The following DNM2 variants were observed in gnomAD, a reference collection of about 807,000 sequenced individuals.
DNM2 encodes dynamin-2.
Under a neutral mutation model 99.0 loss-of-function variants are expected in DNM2, and 15 were observed. That is an observed-to-expected ratio of 0.15 (90% CI 0.10 to 0.23). DNM2 has a LOEUF of 0.23. DNM2 is among the 10% of genes least tolerant of loss of function. The pLI, the probability that DNM2 is intolerant of heterozygous loss-of-function variation, is 1.00. For missense variants in DNM2, 742 were observed against 1,189.4 expected, an observed-to-expected ratio of 0.62 and a Z score of 5.53; for synonymous variants, 525 against 481.2, an observed-to-expected ratio of 1.09 and a Z score of -1.19.
At chr19:10,819,232 C>T (rs1312032398) in intron 15 of DNM2, among the ~76,000 whole-genome samples, 1 of 152,026 alleles carries the variant, frequency 6.6e-6, no homozygotes, top group Admixed American at 6.6e-5. Context: ...GGCAACATAG[C>T]GAGACCCCAT....
rs1465442172 is a variant in DNM2 at position 10,817,546 on chromosome 19, C to G, written c.1672-2434C>G. On this transcript the variant is annotated intron_variant, in intron 15 of 20. Transcript: ENST00000389253. The surrounding 1 kb of genome is among the most constrained non-coding windows in gnomAD (Gnocchi z 4.6). ...ACCCCCCAGGCAGACGCTGGGGCCA[C>G]CAGGCCAGGCCGTGCCTCAGCACCT... 1 of 423,822 alleles carries G rather than the reference C, an allele frequency of 2.4e-6. No individual in the cohort carries two copies. Among genetic ancestry groups the G allele is most frequent in the African/African-American group, 2.2e-5 (1 of 46,478 alleles). The allele number at this position is 423,822 out of a possible 1,614,324, so 26.3% of individuals were successfully genotyped here. A position where few individuals can be genotyped will look rare whatever the true frequency, so the allele number is the denominator to read the frequency against.
intron 7 of DNM2, among the ~76,000 whole-genome samples, chr19:10,792,325 C>T (rs1358820578): frequency 6.6e-6 from 1 of 152,142 alleles, no homozygotes; most frequent in Non-Finnish European, 1.5e-5. Flanking sequence ...TTGAGCAGTT[C>T]CCCTTTAGGA....
At chr19:10,827,542 C>T (rs2073182344) in intron 18 of DNM2, among the ~76,000 whole-genome samples, 1 of 151,804 alleles carries the variant, frequency 6.6e-6, no homozygotes. Flanking sequence ...GCATTCCAGC[C>T]TGAGTGATAG....
At chr19:10,724,737 C>T (rs966784144) in intron 1 of DNM2, among the ~76,000 whole-genome samples, 2 of 152,168 alleles carry the variant, frequency 1.3e-5, no homozygotes, top group African/African-American at 4.8e-5. Context: ...TACTGCTGTC[C>T]CTCTGGACCT....
chr19:10,721,628 C>T (rs908376063), intron 1 of DNM2, among the ~76,000 whole-genome samples: 5 of 152,078 alleles, frequency 3.3e-5, no homozygotes, highest in African/African-American at 9.7e-5. Context: ...ATTGCAGCCT[C>T]GAACTCCAGG....
In DNM2 at chr19:10,831,117, C is replaced by A. The variant is rs112740866; in HGVS notation, c.*70C>A. On this transcript the variant is annotated 3_prime_UTR_variant, in exon 21 of 21. Coordinates refer to ENST00000389253, the MANE Select transcript of DNM2 (RefSeq NM_001005361.3). The surrounding 1 kb of genome is among the most constrained non-coding windows in gnomAD (Gnocchi z 4.3). ...GCGCAGGAGCTTCAGTGGTCTGGGGCCCTCCGCCGCCCCTATGCTGGGACC... is the reference window on the plus strand; with the variant it reads ...GCGCAGGAGCTTCAGTGGTCTGGGGACCTCCGCCGCCCCTATGCTGGGACC... 8.6e-6 allele frequency: 13 copies of A among 1,511,860 alleles called. No individual in the cohort carries two copies. In the African/African-American group the frequency reaches 1.4e-4, roughly 16 times the overall value. The allele number at this position is 1,511,860 out of a possible 1,614,324, so 93.7% of individuals were successfully genotyped here. A position where few individuals can be genotyped will look rare whatever the true frequency, so the allele number is the denominator to read the frequency against.
chr19:10,809,107 G>A (rs2072453287), intron 14 of DNM2: 2 of 153,818 alleles, frequency 1.3e-5, no homozygotes, highest in South Asian at 3.9e-4. Context: ...GCCCATGGCA[G>A]ACATTGCTAA....
chr19:10,734,349 A>C (rs1297568447), intron 1 of DNM2, among the ~76,000 whole-genome samples: 1 of 151,006 alleles, frequency 6.6e-6, no homozygotes, highest in Non-Finnish European at 1.5e-5. Context: ...TCTCAAAAAA[A>C]AAAAAAAAAG....
chr19:10,819,835 G>T (rs1179596848), intron 15 of DNM2, 145 bp from the exon 16 acceptor site: 1 of 761,220 alleles, frequency 1.3e-6, no homozygotes, highest in African/African-American at 1.7e-5. Flanking sequence ...GACGGGGAAG[G>T]GCCGGCAGAT....
At chr19:10,779,147 G>A (rs917836674) in intron 5 of DNM2, among the ~76,000 whole-genome samples, 56 of 151,850 alleles carry the variant, frequency 3.7e-4, no homozygotes, top group Non-Finnish European at 6.2e-4. Context: ...CCCAGGAGGT[G>A]GAGGTTGCAG....
At chr19:10,784,615 G>A (rs2145968377) in intron 6 of DNM2, among the ~76,000 whole-genome samples, 1 of 152,144 alleles carries the variant, frequency 6.6e-6, no homozygotes, top group Non-Finnish European at 1.5e-5. Context: ...TCCTGTCACA[G>A]ACCAAGGGAA....
Position 10,800,292 on chromosome 19 carries a change from G to A in DNM2, c.1422+1720G>A, listed in dbSNP as rs114649116. On this transcript the variant is annotated intron_variant, in intron 11 of 20. Coordinates refer to ENST00000389253, the MANE Select transcript of DNM2 (RefSeq NM_001005361.3). ...TCCCTCTCCCCTTGCCATTGATGGG[G>A]ATGAAATGGGCTCATTTGTCCTGCA... Among the ~76,000 whole-genome samples the A allele has an allele frequency of 1.2e-3, 181 of 152,104 alleles. 2 individuals carry two copies. The highest frequency in any genetic ancestry group is 4.1e-3 in the African/African-American group (171 of 41,494).
intron 2 of DNM2, chr19:10,768,833 G>C (rs892008507): frequency 1.3e-5 from 2 of 152,296 alleles, no homozygotes; most frequent in Non-Finnish European, 2.9e-5. Flanking sequence ...GCAGATGGGC[G>C]TCCCTTCCCT....
In DNM2 at chr19:10,820,961, A is replaced by G. The variant is rs572899677; in HGVS notation, c.1781+872A>G. ...CCCAGCTGGCAGGAGGGCTCTTCCCATGCTCACACAATCACGCTCATCCAG... is the reference window on the plus strand; with the variant it reads ...CCCAGCTGGCAGGAGGGCTCTTCCCGTGCTCACACAATCACGCTCATCCAG... On this transcript the variant is annotated intron_variant, in intron 16 of 20. Coordinates refer to ENST00000389253, the MANE Select transcript of DNM2 (RefSeq NM_001005361.3). The surrounding 1 kb of genome is among the most constrained non-coding windows in gnomAD (Gnocchi z 4.3). Among the ~76,000 whole-genome samples the G allele has an allele frequency of 6.6e-6, 1 of 152,308 alleles. No individual in the cohort carries two copies. Among genetic ancestry groups the G allele is most frequent in the African/African-American group, 2.4e-5 (1 of 41,574 alleles).
chr19:10,781,012 T>C (rs2071350165), intron 5 of DNM2, among the ~76,000 whole-genome samples: 1 of 102,838 alleles, frequency 9.7e-6, no homozygotes, highest in African/African-American at 3.6e-5. Context: ...AGTGAGACTC[T>C]GTCTTTAAAA....
intron 5 of DNM2, among the ~76,000 whole-genome samples, chr19:10,780,008 C>T (rs576451977): frequency 1.3e-4 from 20 of 152,050 alleles, no homozygotes; most frequent in Non-Finnish European, 2.6e-4. Flanking sequence ...CTCTAAGCTG[C>T]GGGCACCTCC....
intron 1 of DNM2, among the ~76,000 whole-genome samples, chr19:10,745,540 A>G (rs571878700): frequency 1.3e-3 from 197 of 152,178 alleles, no homozygotes; most frequent in Non-Finnish European, 2.2e-3. Context: ...AAACACAAAT[A>G]AAAAAAGTTA....
chr19:10,779,508 T>C (rs1374595814), intron 5 of DNM2, among the ~76,000 whole-genome samples: 2 of 122,192 alleles, frequency 1.6e-5, no homozygotes, highest in Non-Finnish European at 3.4e-5. Context: ...CTTTCTTTTT[T>C]TTTTTTTTTT....
chr19:10,820,900 G>A lies in DNM2; in HGVS notation c.1781+811G>A, dbSNP rs780525147. On this transcript the variant is annotated intron_variant, in intron 16 of 20. Coordinates refer to ENST00000389253, the MANE Select transcript of DNM2 (RefSeq NM_001005361.3). The surrounding 1 kb of genome is among the most constrained non-coding windows in gnomAD (Gnocchi z 4.3). The stretch of plus-strand genomic sequence containing the variant: ...TACATCTGTCCCATGAGGCGTAGCT[G>A]GAGACTTTAGCAGAGACACTGCTCT... 4.6e-5 allele frequency among the ~76,000 whole-genome samples: 7 copies of A among 152,206 alleles called. No homozygotes were observed. The highest frequency in any genetic ancestry group is 7.4e-5 in the Non-Finnish European group (5 of 68,026).
Sources: gnomAD v4.1 joint callset for allele counts (sites outside exome capture counted in the v4.1 genomes callset) on GRCh38, gnomAD v4.1.1 for gene constraint, Gnocchi (gnomAD v3.1) non-coding constraint, MANE v1.5 for transcripts, NCBI Gene and HGNC (gene_info 2026-07-23, HGNC 2026-07-21) for gene names.